The following RAB38 variants were observed in gnomAD, a reference collection of about 807,000 sequenced individuals.
RAB38 encodes RAB38, member RAS oncogene family, also known as ras-related protein Rab-38.
In RAB38, 15 loss-of-function variants were observed where a neutral mutation model predicts 18.4. The observed-to-expected ratio is 0.82, with a 90% CI of 0.55 to 1.26. The LOEUF (loss-of-function observed/expected upper bound fraction) is 1.26. Among genes scored for constraint, RAB38 ranks in the 50% most tolerant of loss-of-function variants. RAB38 has a pLI of 0.00. For missense variants in RAB38, 294 were observed against 267.4 expected, an observed-to-expected ratio of 1.10 and a Z score of -0.69; for synonymous variants, 101 against 104.4, an observed-to-expected ratio of 0.97 and a Z score of 0.20.
the RAB38 span, among the ~76,000 whole-genome samples, chr11:87,964,767 T>C: frequency 5.3e-5 from 8 of 152,246 alleles, no homozygotes; most frequent in South Asian, 1.7e-3. Context: ...TATTCCTCTA[T>C]TTACAATCAC....
the RAB38 span, among the ~76,000 whole-genome samples, chr11:88,075,006 C>T: frequency 6.6e-6 from 1 of 152,104 alleles, no homozygotes; most frequent in Non-Finnish European, 1.5e-5. Context: ...AAAGGATATA[C>T]CAATTGTAAA....
the RAB38 span, among the ~76,000 whole-genome samples, chr11:88,084,518 T>C: frequency 6.6e-6 from 1 of 151,802 alleles, no homozygotes. Flanking sequence ...AGGAGTAGGA[T>C]GAAGTGAGAT....
the RAB38 span, among the ~76,000 whole-genome samples, chr11:87,920,230 T>G: frequency 6.6e-6 from 1 of 151,950 alleles, no homozygotes; most frequent in Non-Finnish European, 1.5e-5. Context: ...TAAGGTTTAA[T>G]GTTAGCTTAT....
the RAB38 span, among the ~76,000 whole-genome samples, chr11:87,924,768 A>G: frequency 1.3e-5 from 2 of 152,032 alleles, no homozygotes; most frequent in South Asian, 2.1e-4. Flanking sequence ...TGGGTCATAC[A>G]GGTAGGAAGT....
chr11:88,048,932 C>T, the RAB38 span, among the ~76,000 whole-genome samples: 3,110 of 152,244 alleles, frequency 0.02, 100 homozygotes, highest in African/African-American at 0.07. Flanking sequence ...CTGTTTTTCT[C>T]CTTGTCTTAT....
rs537339053 is a variant in RAB38, at chr11:88,138,869, G to A, written c.483+10806C>T. On this transcript the variant is annotated intron_variant, in intron 2 of 2. Transcript: ENST00000243662. Reference sequence around the variant, plus strand: ...GCGATCTCGGCTCCCTGCAAGCTCCGCCTCCTGGGTTAACGCCATTCTCCT... The same window carrying A: ...GCGATCTCGGCTCCCTGCAAGCTCCACCTCCTGGGTTAACGCCATTCTCCT... Among the ~76,000 whole-genome samples, 21 of 151,328 alleles carry A rather than the reference G, an allele frequency of 1.4e-4. No homozygotes were observed. In the South Asian group the frequency reaches 3.3e-3, roughly 24 times the overall value.
At chr11:87,812,329 G>A in the RAB38 span, among the ~76,000 whole-genome samples, 2 of 152,024 alleles carry the variant, frequency 1.3e-5, no homozygotes, top group East Asian at 1.9e-4. Context: ...TGTTACTGAT[G>A]ATTAAATCAC....
chr11:88,020,381 A>G, the RAB38 span, among the ~76,000 whole-genome samples: 112,114 of 152,066 alleles, frequency 0.74, 42,077 homozygotes, highest in African/African-American at 0.87. Context: ...ATGATAAAGG[A>G]GTCAATTCAG....
At chr11:87,811,699 G>A in the RAB38 span, among the ~76,000 whole-genome samples, 1 of 151,790 alleles carries the variant, frequency 6.6e-6, no homozygotes, top group South Asian at 2.1e-4. Context: ...CTTTTATTGT[G>A]TTGCTTTTTA....
the RAB38 span, among the ~76,000 whole-genome samples, chr11:88,035,447 T>C: frequency 6.6e-6 from 1 of 152,030 alleles, no homozygotes; most frequent in Non-Finnish European, 1.5e-5. Context: ...GATGTATACA[T>C]AAAGGGGAGT....
chr11:87,933,895 C>T, the RAB38 span, among the ~76,000 whole-genome samples: 56 of 152,140 alleles, frequency 3.7e-4, no homozygotes, highest in African/African-American at 1.3e-3. Context: ...GAGTTTGCTG[C>T]CACCAGAAGG....
chr11:88,029,892 A>G, the RAB38 span, among the ~76,000 whole-genome samples: 10 of 152,206 alleles, frequency 6.6e-5, no homozygotes, highest in African/African-American at 2.4e-4. Context: ...ATAGACATCT[A>G]CAGAACTCTC....
chr11:87,835,662 A>G, the RAB38 span, among the ~76,000 whole-genome samples: 2 of 152,174 alleles, frequency 1.3e-5, no homozygotes, highest in Non-Finnish European at 2.9e-5. Flanking sequence ...CAGAGGGAAT[A>G]CCATGTGAAG....
chr11:88,030,553 A>G, the RAB38 span, among the ~76,000 whole-genome samples: 2 of 152,234 alleles, frequency 1.3e-5, no homozygotes, highest in Non-Finnish European at 2.9e-5. Context: ...GGATATAACC[A>G]CCGATTCCAC....
chr11:88,120,374 T>C (rs763010088), intron 2 of RAB38, among the ~76,000 whole-genome samples: 2 of 152,198 alleles, frequency 1.3e-5, no homozygotes, highest in Non-Finnish European at 2.9e-5. Context: ...CTACATTTTC[T>C]TAGTGTCCAA....
At chr11:87,976,336 G>A in the RAB38 span, among the ~76,000 whole-genome samples, 26 of 133,790 alleles carry the variant, frequency 1.9e-4, no homozygotes, top group East Asian at 3.6e-3. Flanking sequence ...TTTATATGTA[G>A]GTATATATAT....
At chr11:88,111,148 T>C (rs971847867), downstream of RAB38, among the ~76,000 whole-genome samples, 3 of 152,190 alleles carry the variant, frequency 2.0e-5, no homozygotes, top group African/African-American at 7.2e-5. Context: ...CAAGGTTCAT[T>C]GCATAGTGCA....
the RAB38 span, among the ~76,000 whole-genome samples, chr11:88,029,316 A>G: frequency 2.0e-5 from 3 of 151,968 alleles, no homozygotes; most frequent in East Asian, 5.8e-4. Context: ...AAGAAACTGC[A>G]TCAACTAACG....
At chr11:88,085,790 G>A in the RAB38 span, among the ~76,000 whole-genome samples, 1 of 151,838 alleles carries the variant, frequency 6.6e-6, no homozygotes, top group South Asian at 2.1e-4. Flanking sequence ...GACATCATAA[G>A]GCGTACAAAG....
Sources: allele counts gnomAD v4.1 joint callset (sites outside exome capture counted in the v4.1 genomes callset), GRCh38; gene constraint gnomAD v4.1.1; transcripts MANE v1.5; gene names NCBI Gene and HGNC (gene_info 2026-07-23, HGNC 2026-07-21).